CATSPERG: variants seen among roughly 807,000 people sequenced by gnomAD.
The protein encoded by CATSPERG is catsper channel auxiliary subunit gamma, also known as cation channel sperm-associated auxiliary subunit gamma.
Under a neutral mutation model 145.0 loss-of-function variants are expected in CATSPERG, and 115 were observed. That is an observed-to-expected ratio of 0.79 (90% confidence interval 0.68 to 0.93). The LOEUF is 0.93. Ranked by LOEUF, CATSPERG falls within the 40% of genes least tolerant of loss-of-function variation. CATSPERG has a pLI of 0.00. For synonymous variants in CATSPERG, 588 were observed against 589.0 expected, an observed-to-expected ratio of 1.00 and a Z score of 0.02; for missense variants, 1,296 against 1,490.1, an observed-to-expected ratio of 0.87 and a Z score of 2.14.
At position 38,359,469 on chromosome 19, in the gene CATSPERG, G is replaced by T; in HGVS notation, c.1497-1G>T. 1 of 1,607,078 alleles carries T rather than the reference G, an allele frequency of 6.2e-7. No homozygotes were observed. The highest frequency in any genetic ancestry group is 8.5e-7 in the Non-Finnish European group (1 of 1,173,774). ...CTAGCTCTCCATCTCTGTCCCTGCA[G>T]CTCTAACAAGGAAAACTTCATCTAC... On this transcript the variant is annotated splice_acceptor_variant, in intron 13 of 28. Transcript: ENST00000409235. LOFTEE classifies it high-confidence loss of function.
At chr19:38,349,570 G>A (rs1255875786) in intron 7 of CATSPERG, 1 of 152,366 alleles carries the variant, frequency 6.6e-6, no homozygotes, top group Non-Finnish European at 1.5e-5. Flanking sequence ...GCTCATGGTT[G>A]GGGTCCAGGT....
chr19:38,370,322 T>A (rs1231150299), intron 28 of CATSPERG, 64 bp downstream of exon 28: 1 of 1,491,324 alleles, frequency 6.7e-7, no homozygotes, highest in Non-Finnish European at 9.3e-7. Context: ...ATACCTATGC[T>A]TGTTATACCT....
chr19:38,346,282 C>T (rs1970040433), intron 6 of CATSPERG, among the ~76,000 whole-genome samples, 168 bp from the exon 7 acceptor site: 1 of 152,056 alleles, frequency 6.6e-6, no homozygotes. Flanking sequence ...GGCCTTGTGG[C>T]TGGGAGAGAG....
intron 6 of CATSPERG, among the ~76,000 whole-genome samples, chr19:38,345,188 G>GTAGCTGGAATT (rs1970020143): frequency 6.6e-6 from 1 of 151,648 alleles, no homozygotes; most frequent in Non-Finnish European, 1.5e-5. Context: ...CCACCTCCCA[G>GTAGCTGGAATT]GTTCAAGCAA....
chr19:38,343,684 G>C lies in CATSPERG; in HGVS notation c.429G>C (p.Gln143His). 6.4e-7 allele frequency: 1 copy of C among 1,551,418 alleles called. No homozygotes were observed. The highest frequency in any genetic ancestry group is 8.7e-7 in the Non-Finnish European group (1 of 1,146,972). Residue 143 changes from glutamine to histidine, a missense_variant, in exon 4 of 29, where the codon CAG becomes CAC. Coordinates refer to ENST00000409235, the MANE Select transcript of CATSPERG (RefSeq NM_021185.5). ...PVNFYRWKIEQLQIQMEAAPF... is the reference protein window; with the variant it reads ...PVNFYRWKIEHLQIQMEAAPF... The stretch of plus-strand genomic sequence containing the variant: ...ACTTCTACCGCTGGAAGATAGAGCA[G>C]CTGCAGATCCAGATGGAGGCTGCCC...
Position 38,362,231 on chromosome 19 carries a change from G to T in CATSPERG, c.2116G>T (p.Asp706Tyr), listed in dbSNP as rs1206783195. The T allele has an allele frequency of 3.1e-6, 5 of 1,607,952 alleles. No individual in the cohort carries two copies. The highest frequency in any genetic ancestry group is 4.2e-6 in the Non-Finnish European group (5 of 1,177,306). ...GCAGCCGTACGCGGACCCGGTGCACGACCCCACCTGGCGCTGGTGGGCGAA... is the reference window on the plus strand; with the variant it reads ...GCAGCCGTACGCGGACCCGGTGCACTACCCCACCTGGCGCTGGTGGGCGAA... The part of the protein sequence containing the change: ...YDKPYADPVH[D>Y]PTWRWWANNK... Residue 706 changes from aspartate to tyrosine, a missense_variant, in exon 18 of 29, where the codon GAC becomes TAC. Physicochemically the swap from Asp to Tyr is radical, Grantham distance 160 (BLOSUM62 -3). Coordinates refer to ENST00000409235, the MANE Select transcript of CATSPERG (RefSeq NM_021185.5).
At chr19:38,361,970 G>A (rs1465303568) in intron 17 of CATSPERG, 109 bp downstream of exon 17, 2 of 561,924 alleles carry the variant, frequency 3.6e-6, no homozygotes, top group African/African-American at 4.0e-5. Flanking sequence ...TGGAGAACAG[G>A]ACTGGTGGTG....
intron 15 of CATSPERG, 30 bp downstream of exon 15, chr19:38,360,677 G>A: frequency 6.2e-7 from 1 of 1,614,046 alleles, no homozygotes; most frequent in Non-Finnish European, 8.5e-7. Context: ...GGGGACATCG[G>A]GGCACCCCAG....
Position 38,370,289 on chromosome 19 carries a change from G to T in CATSPERG, c.3213+31G>T, listed in dbSNP as rs371685589. On this transcript the variant is annotated intron_variant, in intron 28 of 28. Transcript: ENST00000409235. The stretch of plus-strand genomic sequence containing the variant: ...TGGCTGTCCGGGAGCTGCCCTACTG[G>T]GTGGGCAGGGGCCCACGCCTCCATA... The T allele has an allele frequency of 6.3e-6, 10 of 1,589,026 alleles. No homozygotes were observed. The African/African-American group carries it at 1.1e-4, about 17-fold the overall frequency.
intron 3 of CATSPERG, among the ~76,000 whole-genome samples, chr19:38,342,985 G>C (rs1969963995): frequency 6.6e-6 from 1 of 152,118 alleles, no homozygotes; most frequent in Admixed American, 6.6e-5. Context: ...CCCAGAACTT[G>C]GCTGTCCTCT....
chr19:38,355,998 G>A (rs1046316055), intron 9 of CATSPERG, among the ~76,000 whole-genome samples: 13 of 152,088 alleles, frequency 8.5e-5, no homozygotes, highest in African/African-American at 2.7e-4. Flanking sequence ...CTAGGTCACC[G>A]GGTTGATATA....
chr19:38,367,496 T>G lies in CATSPERG; in HGVS notation c.2771-13T>G, dbSNP rs1260422809. The G allele has an allele frequency of 1.2e-6, 2 of 1,613,568 alleles. No homozygotes were observed. The highest frequency in any genetic ancestry group is 3.3e-5 in the Admixed American group (2 of 59,968). On this transcript the variant is annotated splice_polypyrimidine_tract_variant and intron_variant, in intron 23 of 28. Transcript: ENST00000409235. The stretch of plus-strand genomic sequence containing the variant: ...ATTTCTTCTTCTGGTCTCAATCCCC[T>G]CCAACCCCATAGTTTTCTACCCCTT...
Position 38,368,063 on chromosome 19 carries a change from C to A in CATSPERG, c.2946C>A (p.Ile982=). 6.2e-7 allele frequency: 1 copy of A among 1,614,144 alleles called. No homozygotes were observed. The highest frequency in any genetic ancestry group is 8.5e-7 in the Non-Finnish European group (1 of 1,180,004). Residue 982 remains isoleucine, a synonymous_variant, in exon 26 of 29, where the codon ATC becomes ATA. Coordinates refer to ENST00000409235, the MANE Select transcript of CATSPERG (RefSeq NM_021185.5). ...NSPLDKTNSL[I]WTTRTTRTTK... ...GCCTGCACAGGACCAACAGCCTTAT[C>A]TGGACCACGAGGACCACAAGGACCA...
Position 38,343,720 on chromosome 19 carries a change from C to T in CATSPERG, c.465C>T (p.Ser155=). The change falls in exon 4 of 29, where the codon AGC becomes AGT. Residue 155 remains serine (S), a synonymous_variant. Transcript: ENST00000409235. The part of the protein sequence containing the change: ...QIQMEAAPFR[S]KEPCMAEEVC... ...AGATGGAGGCTGCCCCCTTCCGCAG[C>T]AAAGGTGGGCCTGGGGGAGGCGGGA... 1 of 1,461,852 alleles carries T rather than the reference C, an allele frequency of 6.8e-7. No homozygotes were observed. The highest frequency in any genetic ancestry group is 9.2e-7 in the Non-Finnish European group (1 of 1,088,134). The allele number at this position is 1,461,852 out of a possible 1,614,324, so 90.6% of individuals were successfully genotyped here. A position where few individuals can be genotyped will look rare whatever the true frequency, so the allele number is the denominator to read the frequency against.
rs369733983 is a variant in CATSPERG, at chr19:38,367,501, C to T, written c.2771-8C>T. On this transcript the variant is annotated splice_polypyrimidine_tract_variant and splice_region_variant and intron_variant, in intron 23 of 28. Transcript: ENST00000409235. ...TTCTTCTGGTCTCAATCCCCTCCAA[C>T]CCCATAGTTTTCTACCCCTTCTTCT... 1.9e-6 allele frequency: 3 copies of T among 1,613,672 alleles called. No homozygotes were observed. Among genetic ancestry groups the T allele is most frequent in the Non-Finnish European group, 1.7e-6 (2 of 1,179,748 alleles).
chr19:38,338,949 G>A (rs944313136), intron 3 of CATSPERG, among the ~76,000 whole-genome samples: 4 of 152,066 alleles, frequency 2.6e-5, no homozygotes, highest in Non-Finnish European at 4.4e-5. Flanking sequence ...CACCAGGTCG[G>A]GGGGAGGGGG....
In CATSPERG at chr19:38,346,523, C is replaced by G. The variant is rs770347780; in HGVS notation, c.743C>G (p.Pro248Arg). Residue 248 changes from proline to arginine, a missense_variant, in exon 7 of 29, where the codon CCT becomes CGT. Coordinates refer to ENST00000409235, the MANE Select transcript of CATSPERG (RefSeq NM_021185.5). ...TTGTGGCACACTGTGGACCAGTCAC[C>G]TGTGCTTATCCTGGGAGGCATTCCC... ...RPLWHTVDQS[P>R]VLILGGIPNE... 1.3e-6 allele frequency: 2 copies of G among 1,551,626 alleles called. No individual in the cohort carries two copies. The highest frequency in any genetic ancestry group is 2.4e-5 in the South Asian group (2 of 84,058).
chr19:38,343,455 A>G, intron 3 of CATSPERG, 125 bp from the exon 4 acceptor site: 1 of 854,754 alleles, frequency 1.2e-6, no homozygotes, highest in Non-Finnish European at 1.8e-6. Flanking sequence ...TCCTCTGACC[A>G]TCACATGGTG....
rs556241082 is a variant in CATSPERG, at chr19:38,343,544, C to A, written c.325-36C>A. ...AAGGCAGGGGGCACCCAGAGGCTAC[C>A]ATAAGGACACACTTGTGGGGCCATC... On this transcript the variant is annotated intron_variant, in intron 3 of 28. Transcript: ENST00000409235. 18 of 1,515,044 alleles carry A rather than the reference C, an allele frequency of 1.2e-5. No homozygotes were observed. The Admixed American group carries it at 3.4e-4, about 29-fold the overall frequency. The allele number at this position is 1,515,044 out of a possible 1,614,324, so 93.9% of individuals were successfully genotyped here. A position where few individuals can be genotyped will look rare whatever the true frequency, so the allele number is the denominator to read the frequency against.
Sources: allele counts gnomAD v4.1 joint callset (sites outside exome capture counted in the v4.1 genomes callset), GRCh38; gene constraint gnomAD v4.1.1; transcripts MANE v1.5; gene names NCBI Gene and HGNC (gene_info 2026-07-23, HGNC 2026-07-21).